ZNF90: variants seen among roughly 807,000 people sequenced by gnomAD.
The protein encoded by ZNF90 is zinc finger protein HTF9.
A neutral mutation model predicts 12.0 loss-of-function variants in ZNF90; 11 were observed. That is an observed-to-expected ratio of 0.92 (90% confidence interval 0.58 to 1.52). The LOEUF (loss-of-function observed/expected upper bound fraction) is 1.52, where lower values mean the gene tolerates loss of function less well. Ranked by LOEUF, ZNF90 falls within the 40% of genes most tolerant of loss-of-function variation. The pLI, the probability that ZNF90 is intolerant of heterozygous loss-of-function variation, is 0.00. For synonymous variants in ZNF90, 232 were observed against 240.1 expected (o/e 0.97, Z 0.31); for missense variants, 765 against 711.5 (o/e 1.08, Z -0.86).
chr19:20,101,541 A>G (rs1464050289), intron 1 of ZNF90, among the ~76,000 whole-genome samples: 2 of 152,210 alleles, frequency 1.3e-5, no homozygotes, highest in African/African-American at 2.4e-5. Flanking sequence ...TTTTATCTTC[A>G]TGGAGCAGCT....
Position 20,119,474 on chromosome 19 carries a change from A to T in ZNF90, c.*114A>T. 1.1e-6 allele frequency: 1 copy of T among 872,924 alleles called. No homozygotes were observed. Among genetic ancestry groups the T allele is most frequent in the East Asian group, 2.7e-5 (1 of 37,614 alleles). 54.1% of individuals were successfully genotyped at this position (872,924 alleles called of 1,614,324 possible). Reference sequence around the variant, plus strand: ...CCCCTCTACTCTTACTAAATATGAGAATTTATATGAAACATAACTCCTACA... The same window carrying T: ...CCCCTCTACTCTTACTAAATATGAGTATTTATATGAAACATAACTCCTACA... On this transcript the variant is annotated 3_prime_UTR_variant, in exon 4 of 4. Transcript: ENST00000418063.
chr19:20,078,146 C>T lies in ZNF90; in HGVS notation c.3+11C>T, dbSNP rs561940597. The T allele has an allele frequency of 1.9e-6, 3 of 1,614,122 alleles. No individual in the cohort carries two copies. The highest frequency in any genetic ancestry group is 4.5e-5 in the East Asian group (2 of 44,884). ...GGAAGCCTAGAAATGGTGAGAGTGC[C>T]TTTCCAGCATTCCGAGAGAGGGGAG... is the stretch of plus-strand genomic sequence containing the variant. On this transcript the variant is annotated intron_variant, in intron 1 of 3. Coordinates refer to ENST00000418063, the MANE Select transcript of ZNF90 (RefSeq NM_007138.2).
At chr19:20,098,729 T>C (rs546153208) in intron 1 of ZNF90, among the ~76,000 whole-genome samples, 1 of 152,342 alleles carries the variant, frequency 6.6e-6, no homozygotes, top group Non-Finnish European at 1.5e-5. Context: ...CTAGATGTCT[T>C]TGAGGCATTG....
Position 20,119,398 on chromosome 19 carries a change from T to C in ZNF90, c.*38T>C. The C allele has an allele frequency of 6.6e-7, 1 of 1,516,726 alleles. No homozygotes were observed. Among genetic ancestry groups the C allele is most frequent in the Non-Finnish European group, 8.9e-7 (1 of 1,125,462 alleles). 94.0% of individuals were successfully genotyped at this position (1,516,726 alleles called of 1,614,324 possible). A position where few individuals can be genotyped will look rare whatever the true frequency, so the allele number is the denominator to read the frequency against. On this transcript the variant is annotated 3_prime_UTR_variant, in exon 4 of 4. Transcript: ENST00000418063. ...CCCTTAATAAACATAAGATAATTCA[T>C]ACTGGAGAGAAACCGTATAAATGTG...
intron 3 of ZNF90, among the ~76,000 whole-genome samples, chr19:20,113,122 C>T (rs556461014): frequency 6.6e-6 from 1 of 151,840 alleles, no homozygotes; most frequent in African/African-American, 2.4e-5. Context: ...AATATTATCC[C>T]TGTAGTTTTG....
chr19:20,089,367 A>G (rs2088884347), intron 1 of ZNF90, among the ~76,000 whole-genome samples: 1 of 152,154 alleles, frequency 6.6e-6, no homozygotes, highest in South Asian at 2.1e-4. Flanking sequence ...TGTCTTCCTA[A>G]GCAATAATTG....
At chr19:20,103,587 T>C (rs1185934361) in intron 1 of ZNF90, among the ~76,000 whole-genome samples, 1 of 152,228 alleles carries the variant, frequency 6.6e-6, no homozygotes, top group Non-Finnish European at 1.5e-5. Context: ...GTGCAGCTGA[T>C]ATGTATAAAC....
chr19:20,082,765 CTG>C (rs1433505844), intron 1 of ZNF90, among the ~76,000 whole-genome samples: 39 of 152,150 alleles, frequency 2.6e-4, no homozygotes, highest in African/African-American at 8.0e-4. Flanking sequence ...CATAAAGGGT[CTG>C]TGCTGAGGAG....
chr19:20,098,852 C>G (rs1555703515), intron 1 of ZNF90, among the ~76,000 whole-genome samples: 2 of 152,188 alleles, frequency 1.3e-5, no homozygotes, highest in Non-Finnish European at 2.9e-5. Flanking sequence ...CAAGAGGTGT[C>G]TTTGGTACCC....
intron 1 of ZNF90, chr19:20,079,868 G>A: frequency 2.5e-6 from 1 of 407,756 alleles, no homozygotes. Context: ...GCAAGAAGCT[G>A]CCCTGCTGGA....
intron 1 of ZNF90, 81 bp from the exon 2 acceptor site, chr19:20,104,158 C>A: frequency 6.3e-7 from 1 of 1,588,566 alleles, no homozygotes; most frequent in Non-Finnish European, 8.6e-7. Flanking sequence ...CTTTACTCTC[C>A]AATTTCACCT....
At chr19:20,084,759 CA>C (rs1315608413) in intron 1 of ZNF90, among the ~76,000 whole-genome samples, 1 of 152,072 alleles carries the variant, frequency 6.6e-6, no homozygotes, top group Admixed American at 6.5e-5. Context: ...CACTTTTTTT[CA>C]TATGCTAGTT....
Position 20,104,385 on chromosome 19 carries a change from A to T in ZNF90, c.130+20A>T, listed in dbSNP as rs781851990. 3.7e-6 allele frequency: 6 copies of T among 1,601,106 alleles called. No homozygotes were observed. In the South Asian group the frequency reaches 6.8e-5, roughly 18 times the overall value. On this transcript the variant is annotated intron_variant, in intron 2 of 3. Coordinates refer to ENST00000418063, the MANE Select transcript of ZNF90 (RefSeq NM_007138.2). Reference sequence around the variant, plus strand: ...TCCTTGGTGAGGATAAGTGGAATACATAATTCATAATATACCCTAAAGGTT... The same window carrying T: ...TCCTTGGTGAGGATAAGTGGAATACTTAATTCATAATATACCCTAAAGGTT...
chr19:20,103,586 A>G (rs1420159769), intron 1 of ZNF90, among the ~76,000 whole-genome samples: 2 of 152,192 alleles, frequency 1.3e-5, no homozygotes, highest in African/African-American at 4.8e-5. Context: ...TGTGCAGCTG[A>G]TATGTATAAA....
At position 20,118,264 on chromosome 19, in the gene ZNF90, A is replaced by C. The variant is rs2089159223; in HGVS notation, c.710A>C (p.Glu237Ala). The change falls in exon 4 of 4, where the codon GAA (glutamate) becomes GCA (alanine). Residue 237 changes from glutamate to alanine, a missense_variant. Coordinates refer to ENST00000418063, the MANE Select transcript of ZNF90 (RefSeq NM_007138.2). ...KRYKCEDCGK[E>A]LKYSSTLTAH... The stretch of plus-strand genomic sequence containing the variant: ...TACAAATGTGAAGATTGTGGCAAAG[A>C]ATTAAAGTATTCCTCTACCCTTACT... The C allele has an allele frequency of 6.4e-7, 1 of 1,555,002 alleles. No individual in the cohort carries two copies. The highest frequency in any genetic ancestry group is 1.4e-5 in the African/African-American group (1 of 72,772).
chr19:20,112,812 C>T (rs781997600), intron 3 of ZNF90, among the ~76,000 whole-genome samples: 1 of 151,900 alleles, frequency 6.6e-6, no homozygotes, highest in South Asian at 2.1e-4. Flanking sequence ...TCAAGTACTT[C>T]TGTATTTCTT....
In ZNF90 at chr19:20,119,035, C is replaced by G. The variant is rs1284000616; in HGVS notation, c.1481C>G (p.Ser494Ter). 1 of 1,607,442 alleles carries G rather than the reference C, an allele frequency of 6.2e-7. No homozygotes were observed. The highest frequency in any genetic ancestry group is 2.2e-5 in the East Asian group (1 of 44,528). Residue 494 changes from serine to a stop codon, truncating the protein, a stop_gained, in exon 4 of 4, where the codon TCA becomes TGA. Coordinates refer to ENST00000418063, the MANE Select transcript of ZNF90 (RefSeq NM_007138.2). LOFTEE classifies it low-confidence loss of function (END_TRUNC). ...TGTGACAAAGCCTTCAAGTACTCCTCAGCCCTTAGCACACATAAGATAATT... is the reference window on the plus strand; with the variant it reads ...TGTGACAAAGCCTTCAAGTACTCCTGAGCCCTTAGCACACATAAGATAATT... ...QECDKAFKYS[S>*]ALSTHKIIHS...
At chr19:20,110,307 C>T (rs1405899217) in intron 3 of ZNF90, among the ~76,000 whole-genome samples, 1 of 152,036 alleles carries the variant, frequency 6.6e-6, no homozygotes, top group African/African-American at 2.4e-5. Flanking sequence ...GAGATGGAGT[C>T]TTGCTCTGTT....
Position 20,106,044 on chromosome 19 carries a change from C to CTTT in ZNF90, c.226+749_226+751dup, listed in dbSNP as rs56933917. 8.0e-3 allele frequency among the ~76,000 whole-genome samples: 565 copies of CTTT among 70,992 alleles called. 13 individuals carry two copies. The highest frequency in any genetic ancestry group is 0.012 in the Non-Finnish European group (449 of 37,040). The allele number at this position is 70,992 out of a possible 152,430, so 46.6% of individuals were successfully genotyped here. ...TTATTTGGAACTTCTCTAATTTTTT[C>CTTT]TTTTTTTTTTTTTTTTTTTTTTTGG... is the stretch of plus-strand genomic sequence containing the variant. On this transcript the variant is annotated intron_variant, in intron 3 of 3. Coordinates refer to ENST00000418063, the MANE Select transcript of ZNF90 (RefSeq NM_007138.2).
Sources: gnomAD v4.1 joint callset for allele counts (sites outside exome capture counted in the v4.1 genomes callset) on GRCh38, gnomAD v4.1.1 for gene constraint, MANE v1.5 for transcripts, NCBI Gene and HGNC (gene_info 2026-07-23, HGNC 2026-07-21) for gene names.